Variants in DENND6A observed in about 807,000 individuals in gnomAD.
The protein encoded by DENND6A is protein DENND6A.
A neutral mutation model predicts 95.5 loss-of-function variants in DENND6A; 43 were observed. That is an observed-to-expected ratio of 0.45 (90% CI 0.35 to 0.58). The LOEUF is 0.58. Ranked by LOEUF, DENND6A falls within the 20% of genes least tolerant of loss-of-function variation. DENND6A has a pLI of 0.00. For missense variants in DENND6A, 574 were observed against 736.0 expected, an observed-to-expected ratio of 0.78 and a Z score of 2.55; for synonymous variants, 257 against 260.4, an observed-to-expected ratio of 0.99 and a Z score of 0.13.
intron 4 of DENND6A, 34 bp from the exon 5 acceptor site, chr3:57,663,750 G>A (rs762473583): frequency 6.0e-6 from 8 of 1,333,152 alleles, no homozygotes; most frequent in Non-Finnish European, 8.4e-6. Context: ...TGTGTGTGGG[G>A]GGGTACATAT....
At chr3:57,663,608 T>A (rs1313002670) in intron 5 of DENND6A, 28 bp downstream of exon 5, 5 of 1,473,612 alleles carry the variant, frequency 3.4e-6, no homozygotes, top group Non-Finnish European at 4.6e-6. Flanking sequence ...TAAAAAATAC[T>A]TTTTTTATTA....
At chr3:57,667,556 C>T (rs184500969) in intron 3 of DENND6A, among the ~76,000 whole-genome samples, 3 of 152,270 alleles carry the variant, frequency 2.0e-5, no homozygotes, top group South Asian at 2.1e-4. Flanking sequence ...CAGCCCCCTC[C>T]CTTGACCCTC....
rs112376698 is a variant in DENND6A, at chr3:57,654,157, G to A, written c.818+3523C>T. ...TTTTTAGTAGAGACGGGGTTTCACC[G>A]TGTTAGCCAGGATGGTCTCGATCTC... On this transcript the variant is annotated intron_variant, in intron 9 of 19. Transcript: ENST00000311128. Among the ~76,000 whole-genome samples, 374 of 150,228 alleles carry A rather than the reference G, an allele frequency of 2.5e-3. 1 individual carries two copies. Among genetic ancestry groups the A allele is most frequent in the Non-Finnish European group, 3.8e-3 (258 of 67,572 alleles).
chr3:57,640,012 C>T (rs1484637074), intron 12 of DENND6A, among the ~76,000 whole-genome samples: 2 of 152,132 alleles, frequency 1.3e-5, no homozygotes, highest in Non-Finnish European at 2.9e-5. Context: ...GTGGCTCAGC[C>T]TGTAATCCCA....
intron 12 of DENND6A, among the ~76,000 whole-genome samples, chr3:57,636,829 C>T (rs1332935230): frequency 2.0e-5 from 3 of 150,514 alleles, no homozygotes; most frequent in Non-Finnish European, 4.4e-5. Flanking sequence ...CCCAGCTACT[C>T]GGGAGGCTGA....
chr3:57,650,945 C>T (rs867177337), intron 9 of DENND6A, among the ~76,000 whole-genome samples: 3 of 152,014 alleles, frequency 2.0e-5, no homozygotes, highest in East Asian at 1.9e-4. Flanking sequence ...CCACCACACC[C>T]GGCTAGTTTT....
intron 1 of DENND6A, among the ~76,000 whole-genome samples, chr3:57,690,504 G>C (rs185972171): frequency 1.3e-5 from 2 of 151,550 alleles, no homozygotes; most frequent in African/African-American, 4.9e-5. Flanking sequence ...CTGGGCAACA[G>C]AGCAAGACTC....
chr3:57,677,419 C>CTTTTTTTTTTTTTT (rs71088101), intron 1 of DENND6A, among the ~76,000 whole-genome samples: 4 of 68,708 alleles, frequency 5.8e-5, no homozygotes, highest in African/African-American at 6.0e-5. Context: ...CTTTGTTGTC[C>CTTTTTTTTTTTTTT]TTTTTTTTTT....
At chr3:57,644,840 G>GA in intron 11 of DENND6A, among the ~76,000 whole-genome samples, 1 of 141,550 alleles carries the variant, frequency 7.1e-6, no homozygotes, top group Middle Eastern at 3.7e-3. Flanking sequence ...GAAAGAAAAG[G>GA]AAAAACAGGG....
chr3:57,690,275 G>A (rs1464069691), intron 1 of DENND6A, among the ~76,000 whole-genome samples: 4 of 152,188 alleles, frequency 2.6e-5, no homozygotes, highest in African/African-American at 7.2e-5. Context: ...GGAGGCTGAG[G>A]TGGGCAGATC....
chr3:57,667,928 C>T (rs374145738), intron 3 of DENND6A, among the ~76,000 whole-genome samples: 1 of 151,726 alleles, frequency 6.6e-6, no homozygotes, highest in Admixed American at 6.6e-5. Context: ...TAGCCGGATG[C>T]GGTGGCAGGC....
intron 1 of DENND6A, chr3:57,679,665 G>T: frequency 1.6e-6 from 1 of 612,222 alleles, no homozygotes; most frequent in Non-Finnish European, 2.0e-6. Context: ...CATAACATGA[G>T]GGTGTACCTT....
chr3:57,686,002 G>T (rs562702416), intron 1 of DENND6A, among the ~76,000 whole-genome samples: 3 of 152,284 alleles, frequency 2.0e-5, no homozygotes, highest in Non-Finnish European at 2.9e-5. Context: ...TACACATAAT[G>T]ATCCTCTGGA....
chr3:57,659,239 G>T, intron 7 of DENND6A, 59 bp from the exon 8 acceptor site: 1 of 1,554,228 alleles, frequency 6.4e-7, no homozygotes, highest in Non-Finnish European at 8.9e-7. Context: ...GAGAAGTGCT[G>T]TATCCTGCTG....
At chr3:57,670,058 T>A (rs1312780350) in intron 3 of DENND6A, among the ~76,000 whole-genome samples, 4 of 150,202 alleles carry the variant, frequency 2.7e-5, no homozygotes, top group Non-Finnish European at 5.9e-5. Flanking sequence ...AAAAAAAATC[T>A]GTAGGTCATT....
chr3:57,661,223 T>C (rs1225473143), intron 6 of DENND6A, among the ~76,000 whole-genome samples: 1 of 152,190 alleles, frequency 6.6e-6, no homozygotes, highest in Non-Finnish European at 1.5e-5. Context: ...ATTATTCTAA[T>C]AATAACAGGC....
At chr3:57,689,962 G>A (rs1194083998) in intron 1 of DENND6A, among the ~76,000 whole-genome samples, 1 of 151,754 alleles carries the variant, frequency 6.6e-6, no homozygotes, top group African/African-American at 2.4e-5. Flanking sequence ...TACTCAGGAG[G>A]ATCCCTCGAG....
intron 1 of DENND6A, among the ~76,000 whole-genome samples, chr3:57,686,759 C>A (rs571879088): frequency 6.6e-6 from 1 of 152,128 alleles, no homozygotes; most frequent in South Asian, 2.1e-4. Context: ...GCTCCACTGA[C>A]GAGCCATTAC....
At chr3:57,682,698 T>C (rs1268010903) in intron 1 of DENND6A, among the ~76,000 whole-genome samples, 1 of 152,042 alleles carries the variant, frequency 6.6e-6, no homozygotes, top group East Asian at 1.9e-4. Flanking sequence ...GTTTTTGAGA[T>C]GGAGTCTGGC....
Sources: gnomAD v4.1 joint callset for allele counts (sites outside exome capture counted in the v4.1 genomes callset) on GRCh38, gnomAD v4.1.1 for gene constraint, MANE v1.5 for transcripts, NCBI Gene and HGNC (gene_info 2026-07-23, HGNC 2026-07-21) for gene names.